ATP11A: variants seen among roughly 807,000 people sequenced by gnomAD.
ATP11A encodes ATPase phospholipid transporting 11A, also known as phospholipid-transporting ATPase IH.
In ATP11A, 81 loss-of-function variants were observed where a neutral mutation model predicts 154.4. That is an observed-to-expected ratio of 0.52 (90% CI 0.44 to 0.63). The LOEUF (loss-of-function observed/expected upper bound fraction) is 0.63, where lower values mean the gene tolerates loss of function less well. Ranked by LOEUF, ATP11A falls within the 30% of genes least tolerant of loss-of-function variation. The pLI is 0.00. For missense variants in ATP11A, 1,316 were observed against 1,474.3 expected (o/e 0.89, Z 1.76); for synonymous variants, 623 against 585.9 (o/e 1.06, Z -0.91).
chr13:112,853,411 A>T (rs1161754606), intron 18 of ATP11A, among the ~76,000 whole-genome samples: 1 of 152,288 alleles, frequency 6.6e-6, no homozygotes, highest in Admixed American at 6.5e-5. Context: ...CCCAAAACCT[A>T]ACCAGATCCT....
Position 112,859,120 on chromosome 13 carries a change from G to A in ATP11A, c.2668-273G>A, listed in dbSNP as rs778708905. ...TCACTGTGCAGTTCGATTCTTTCCC[G>A]TTTATACTGATACCTGCATTGCCTT... On this transcript the variant is annotated intron_variant, in intron 22 of 29. Coordinates refer to ENST00000375645, the MANE Select transcript of ATP11A (RefSeq NM_015205.3). This position sits in a 1 kb window ranked among gnomAD's most constrained non-coding sequence, Gnocchi z 4.3. 43 of 453,990 alleles carry A rather than the reference G, an allele frequency of 9.5e-5. No individual in the cohort carries two copies. The highest frequency in any genetic ancestry group is 3.5e-4 in the Admixed American group (10 of 28,368). 28.1% of individuals were successfully genotyped at this position (453,990 alleles called of 1,614,324 possible). A position where few individuals can be genotyped will look rare whatever the true frequency, so the allele number is the denominator to read the frequency against.
intron 25 of ATP11A, 59 bp from the exon 26 acceptor site, chr13:112,871,676 G>A: frequency 6.5e-7 from 1 of 1,531,158 alleles, no homozygotes; most frequent in Non-Finnish European, 9.0e-7. Flanking sequence ...ACTCTTGATT[G>A]TGAAAGAGAA....
At chr13:112,877,932 C>T (rs941768727) in intron 28 of ATP11A, among the ~76,000 whole-genome samples, 1 of 152,084 alleles carries the variant, frequency 6.6e-6, no homozygotes, top group Non-Finnish European at 1.5e-5. Flanking sequence ...TGGGTCTCTG[C>T]GTCCCACAAG....
At chr13:112,735,241 G>C (rs1890878099) in intron 1 of ATP11A, among the ~76,000 whole-genome samples, 1 of 152,110 alleles carries the variant, frequency 6.6e-6, no homozygotes, top group Non-Finnish European at 1.5e-5. Context: ...ACCATAAACG[G>C]GTTTTGCTAA....
intron 17 of ATP11A, among the ~76,000 whole-genome samples, chr13:112,847,982 T>C (rs1010769403): frequency 6.6e-6 from 1 of 152,130 alleles, no homozygotes; most frequent in East Asian, 1.9e-4. Flanking sequence ...TCCTAGCTAC[T>C]AGGCAGGATG....
At chr13:112,839,760 G>A (rs903854047) in intron 16 of ATP11A, among the ~76,000 whole-genome samples, 3 of 152,192 alleles carry the variant, frequency 2.0e-5, no homozygotes, top group Non-Finnish European at 2.9e-5. Flanking sequence ...GTCTTACAGT[G>A]GAATTCACAA....
intron 29 of ATP11A, chr13:112,881,452 C>T (rs372405433): frequency 8.4e-6 from 9 of 1,070,960 alleles, no homozygotes; most frequent in East Asian, 8.0e-5. Flanking sequence ...ACCGGTATGG[C>T]GTTCGAGCTC....
intron 14 of ATP11A, among the ~76,000 whole-genome samples, chr13:112,834,058 C>T (rs2079167434): frequency 6.6e-6 from 1 of 152,246 alleles, no homozygotes; most frequent in Non-Finnish European, 1.5e-5. Flanking sequence ...TCCCACAAGG[C>T]CCTGAAGGTC....
Position 112,826,760 on chromosome 13 carries a change from A to C in ATP11A, c.1090A>C (p.Met364Leu), listed in dbSNP as rs200872247. Residue 364 changes from methionine (M) to leucine (L), a missense_variant, in exon 12 of 30, where the codon ATG becomes CTG. Around this residue, in one of 5 missense-constraint regions of ATP11A, gnomAD observed 876 missense variants for 1,006.8 expected, o/e 0.87. Coordinates refer to ENST00000375645, the MANE Select transcript of ATP11A (RefSeq NM_015205.3). ...VLFNYIIPVS[M>L]YVTVEMQKFL... is the part of the protein sequence containing the mutation. Reference sequence around the variant, plus strand: ...CTTTAACTACATCATCCCTGTGTCCATGTACGTCACGGTCGAGATGCAGAA... The same window carrying C: ...CTTTAACTACATCATCCCTGTGTCCCTGTACGTCACGGTCGAGATGCAGAA... 6.2e-7 allele frequency: 1 copy of C among 1,614,140 alleles called. No individual in the cohort carries two copies. Among genetic ancestry groups the C allele is most frequent in the Non-Finnish European group, 8.5e-7 (1 of 1,180,018 alleles).
chr13:112,861,747 T>C (rs1013966931), intron 24 of ATP11A, among the ~76,000 whole-genome samples: 4 of 152,252 alleles, frequency 2.6e-5, no homozygotes, highest in Non-Finnish European at 5.9e-5. Context: ...TCTGAGTTGG[T>C]TGTACATCTT....
intron 12 of ATP11A, among the ~76,000 whole-genome samples, chr13:112,830,743 C>T (rs536641652): frequency 2.0e-5 from 3 of 152,298 alleles, no homozygotes; most frequent in African/African-American, 7.2e-5. Context: ...AAGATGCTGC[C>T]GTGCGTTCCA....
At chr13:112,854,622 G>A (rs1307245821) in intron 19 of ATP11A, 92 bp downstream of exon 19, 1 of 1,437,760 alleles carries the variant, frequency 7.0e-7, no homozygotes, top group Non-Finnish European at 9.3e-7. Context: ...GAGCCGCATT[G>A]TCTCTACTGG....
chr13:112,772,809 G>T (rs2077257753), intron 1 of ATP11A, among the ~76,000 whole-genome samples: 1 of 152,236 alleles, frequency 6.6e-6, no homozygotes, highest in Non-Finnish European at 1.5e-5. Context: ...GGTGACTAAG[G>T]GTGCTCTGCG....
At position 112,807,049 on chromosome 13, in the gene ATP11A, T is replaced by TG. The variant is rs1272764954; in HGVS notation, c.333+760dup. On this transcript the variant is annotated intron_variant, in intron 4 of 29. Coordinates refer to ENST00000375645, the MANE Select transcript of ATP11A (RefSeq NM_015205.3). The surrounding 1 kb of genome is among the most constrained non-coding windows in gnomAD (Gnocchi z 4.5). ...CACGCGTCCTCTGTGGATGGACATT[T>TG]GGGGTGTTTCCACTCTTTGGCTGTT... 5.9e-5 allele frequency among the ~76,000 whole-genome samples: 9 copies of TG among 152,270 alleles called. No homozygotes were observed. In the East Asian group the frequency reaches 1.7e-3, roughly 29 times the overall value.
chr13:112,756,327 G>A (rs2076832205), intron 1 of ATP11A, among the ~76,000 whole-genome samples: 1 of 152,182 alleles, frequency 6.6e-6, no homozygotes, highest in Admixed American at 6.5e-5. Flanking sequence ...CTTCAGGAAA[G>A]GGGAAAGTGT....
At chr13:112,692,126 G>A (rs1005420347) in intron 1 of ATP11A, among the ~76,000 whole-genome samples, 2 of 152,150 alleles carry the variant, frequency 1.3e-5, no homozygotes, top group African/African-American at 2.4e-5. Flanking sequence ...TTTATTGGGC[G>A]GAAGCTTCTG....
chr13:112,707,870 TG>T (rs1306737895), intron 1 of ATP11A, among the ~76,000 whole-genome samples: 3 of 152,218 alleles, frequency 2.0e-5, no homozygotes, highest in African/African-American at 7.2e-5. Flanking sequence ...GGTCACTGTC[TG>T]GTGGCCTGTG....
chr13:112,707,106 G>A (rs1400455309), intron 1 of ATP11A, among the ~76,000 whole-genome samples: 1 of 152,200 alleles, frequency 6.6e-6, no homozygotes, highest in Non-Finnish European at 1.5e-5. Flanking sequence ...CGAGCATACA[G>A]TGCAGTGCTG....
chr13:112,747,633 C>T (rs1354226174), intron 1 of ATP11A, among the ~76,000 whole-genome samples: 4 of 152,114 alleles, frequency 2.6e-5, no homozygotes, highest in East Asian at 1.9e-4. Flanking sequence ...GTCAGGAGTT[C>T]GAGACCGGCC....
Sources: allele counts gnomAD v4.1 joint callset (sites outside exome capture counted in the v4.1 genomes callset), GRCh38; gene constraint gnomAD v4.1.1; regional missense constraint gnomAD v4.1.1; non-coding constraint Gnocchi (gnomAD v3.1); transcripts MANE v1.5; gene names NCBI Gene and HGNC (gene_info 2026-07-23, HGNC 2026-07-21).